The following MITF variants were observed in gnomAD, a reference collection of about 807,000 sequenced individuals.
MITF encodes the protein melanocyte inducing transcription factor, also known as microphthalmia-associated transcription factor.
MITF carries 17 observed loss-of-function variants against 60.5 expected under a neutral mutation model. The ratio of observed to expected loss-of-function variants is 0.28; its 90% CI spans 0.19 to 0.42. The LOEUF (loss-of-function observed/expected upper bound fraction) is 0.42. Ranked by LOEUF, MITF falls within the 10% of genes least tolerant of loss-of-function variation. MITF has a pLI of 1.00. For synonymous variants in MITF, 260 were observed against 248.5 expected, an observed-to-expected ratio of 1.05 and a Z score of -0.43; for missense variants, 622 against 683.5, an observed-to-expected ratio of 0.91 and a Z score of 1.00.
At chr3:69,929,504 C>T (rs1559726805) in intron 2 of MITF, among the ~76,000 whole-genome samples, 2 of 152,098 alleles carry the variant, frequency 1.3e-5, no homozygotes, top group South Asian at 2.1e-4. Context: ...GATTCATTAG[C>T]TCTGGTTTGG....
At position 69,909,170 on chromosome 3, in the gene MITF, A is replaced by T. The variant is rs575403799; in HGVS notation, c.355-28652A>T. ...GGCTGGTCTTTCCCATGTGGTTCTC[A>T]TGATAGTGAATGGATAAGTCTCACG... On this transcript the variant is annotated intron_variant, in intron 2 of 9. Transcript: ENST00000352241. Among the ~76,000 whole-genome samples the T allele has an allele frequency of 3.3e-5, 5 of 152,154 alleles. No homozygotes were observed. The East Asian group carries it at 9.7e-4, about 30-fold the overall frequency.
chr3:69,803,515 G>A (rs1013884432), intron 1 of MITF, among the ~76,000 whole-genome samples: 5 of 152,114 alleles, frequency 3.3e-5, no homozygotes, highest in Non-Finnish European at 7.4e-5. Flanking sequence ...GTATGAAATA[G>A]TTTGCTGGGT....
rs1559755766 is a variant in MITF, at chr3:69,964,812, C to A, written c.1180-35C>A. 6 of 1,608,184 alleles carry A rather than the reference C, an allele frequency of 3.7e-6. No individual in the cohort carries two copies. The South Asian group carries it at 6.6e-5, about 18-fold the overall frequency. On this transcript the variant is annotated intron_variant, in intron 9 of 9. Transcript: ENST00000352241. ...AGGCTTAAAAGTCCTCTGTGCTCTG[C>A]CTATTTCAGTGTTTTATCTTTACTC... is the stretch of plus-strand genomic sequence containing the variant.
At chr3:69,886,852 A>C (rs1426085277) in intron 2 of MITF, among the ~76,000 whole-genome samples, 1 of 152,098 alleles carries the variant, frequency 6.6e-6, no homozygotes, top group African/African-American at 2.4e-5. Flanking sequence ...AACATCCAAA[A>C]ATCATAACTC....
intron 2 of MITF, among the ~76,000 whole-genome samples, chr3:69,928,111 C>T (rs752189864): frequency 4.6e-5 from 7 of 152,076 alleles, no homozygotes; most frequent in South Asian, 4.2e-4. Context: ...CAAAAATGGG[C>T]GGCATGCCCC....
intron 1 of MITF, among the ~76,000 whole-genome samples, chr3:69,746,512 T>TG (rs1559605655): frequency 6.6e-6 from 1 of 152,108 alleles, no homozygotes; most frequent in Non-Finnish European, 1.5e-5. Flanking sequence ...TTCATTTTTT[T>TG]TGTGTGTGTG....
rs1263935596 is a variant in MITF, at chr3:69,967,833, C to A, written c.*2585C>A. The A allele has an allele frequency of 4.3e-6, 1 of 233,098 alleles. No homozygotes were observed. The allele number at this position is 233,098 out of a possible 1,614,324, so 14.4% of individuals were successfully genotyped here. ...AATGATCCACACCACTCCCCCGATT[C>A]CCGGGTGCAGAATTGTAACTCGGGG... On this transcript the variant is annotated 3_prime_UTR_variant, in exon 10 of 10. Transcript: ENST00000352241.
chr3:69,750,120 T>G (rs1703874775), intron 1 of MITF, among the ~76,000 whole-genome samples: 1 of 152,184 alleles, frequency 6.6e-6, no homozygotes, highest in South Asian at 2.1e-4. Flanking sequence ...CATGTCAATC[T>G]GCTGTCCTTA....
intron 2 of MITF, among the ~76,000 whole-genome samples, chr3:69,885,134 T>A (rs1253515565): frequency 6.6e-6 from 1 of 152,024 alleles, no homozygotes; most frequent in East Asian, 1.9e-4. Context: ...ATGTACCTGG[T>A]GGACACTTGA....
At chr3:69,845,546 T>C (rs2063717643) in intron 1 of MITF, among the ~76,000 whole-genome samples, 1 of 152,070 alleles carries the variant, frequency 6.6e-6, no homozygotes, top group African/African-American at 2.4e-5. Context: ...TCTATGATTT[T>C]GCATTAAGAA....
intron 2 of MITF, among the ~76,000 whole-genome samples, chr3:69,881,585 A>G (rs185580357): frequency 1.3e-5 from 2 of 152,146 alleles, no homozygotes; most frequent in East Asian, 1.9e-4. Flanking sequence ...CTTATTTTCA[A>G]AATTTTGTGT....
chr3:69,937,619 A>T (rs2065872566), intron 2 of MITF, among the ~76,000 whole-genome samples: 1 of 152,200 alleles, frequency 6.6e-6, no homozygotes, highest in South Asian at 2.1e-4. Flanking sequence ...AAATAGGGCA[A>T]AGTATTACAC....
intron 5 of MITF, among the ~76,000 whole-genome samples, chr3:69,944,262 G>A (rs1462573487): frequency 2.6e-5 from 4 of 152,144 alleles, no homozygotes; most frequent in Admixed American, 2.6e-4. Flanking sequence ...CACCAGGCAA[G>A]GTGCTGTGGA....
At chr3:69,895,808 T>TTGTGTG (rs35088149) in intron 2 of MITF, among the ~76,000 whole-genome samples, 1,858 of 140,124 alleles carry the variant, frequency 0.013, 22 homozygotes, top group East Asian at 0.03. Context: ...TGTGGAGTGT[T>TTGTGTG]TGTGTGTGTG....
intron 1 of MITF, among the ~76,000 whole-genome samples, chr3:69,803,794 A>G (rs1462847991): frequency 6.6e-6 from 1 of 151,958 alleles, no homozygotes; most frequent in Non-Finnish European, 1.5e-5. Flanking sequence ...TATTATTCTT[A>G]TGAACTCCAT....
intron 1 of MITF, among the ~76,000 whole-genome samples, chr3:69,829,759 T>C (rs1162778664): frequency 6.6e-6 from 1 of 152,164 alleles, no homozygotes; most frequent in Non-Finnish European, 1.5e-5. Flanking sequence ...TACTAATGCA[T>C]ACATTCTTTC....
chr3:69,835,956 G>T (rs947586721), intron 1 of MITF, among the ~76,000 whole-genome samples: 1 of 151,692 alleles, frequency 6.6e-6, no homozygotes, highest in African/African-American at 2.4e-5. Context: ...GCTATTCTGG[G>T]TTTTTTTGTG....
chr3:69,742,650 C>T (rs1703570364), intron 1 of MITF, among the ~76,000 whole-genome samples: 1 of 152,146 alleles, frequency 6.6e-6, no homozygotes, highest in African/African-American at 2.4e-5. Context: ...GCTCACTCCC[C>T]CACCAACCAG....
intron 2 of MITF, among the ~76,000 whole-genome samples, chr3:69,921,239 T>C (rs1158948874): frequency 1.3e-5 from 2 of 152,242 alleles, no homozygotes; most frequent in Non-Finnish European, 2.9e-5. Context: ...CGTAAGCTTA[T>C]TGTAAGCTAA....
Sources: gnomAD v4.1 joint callset for allele counts (sites outside exome capture counted in the v4.1 genomes callset) on GRCh38, gnomAD v4.1.1 for gene constraint, MANE v1.5 for transcripts, NCBI Gene and HGNC (gene_info 2026-07-23, HGNC 2026-07-21) for gene names.